The following DAP variants were observed in gnomAD, a reference collection of about 807,000 sequenced individuals.
The protein encoded by DAP is death associated protein, also known as death-associated protein 1.
DAP carries 8 observed loss-of-function variants against 13.8 expected under a neutral mutation model. The observed-to-expected ratio is 0.58, with a 90% CI of 0.34 to 1.05. DAP has a LOEUF of 1.05. Ranked by LOEUF, DAP falls within the 50% of genes least tolerant of loss-of-function variation. The pLI is 0.03. For missense variants in DAP, 106 were observed against 133.2 expected, an observed-to-expected ratio of 0.80 and a Z score of 1.01; for synonymous variants, 47 against 47.5, an observed-to-expected ratio of 0.99 and a Z score of 0.04.
At chr5:10,682,643 G>C (rs1738053322) in intron 3 of DAP, among the ~76,000 whole-genome samples, 1 of 152,250 alleles carries the variant, frequency 6.6e-6, no homozygotes, top group African/African-American at 2.4e-5. Flanking sequence ...ATAAAGGAAG[G>C]TGGAAGTCTG....
chr5:10,712,901 T>G (rs1301592937), intron 2 of DAP, among the ~76,000 whole-genome samples: 2 of 152,188 alleles, frequency 1.3e-5, no homozygotes, highest in African/African-American at 2.4e-5. Context: ...AGATATCAAA[T>G]GGATCTAGGT....
chr5:10,688,842 A>AG (rs1561007108), intron 2 of DAP, among the ~76,000 whole-genome samples: 1 of 151,712 alleles, frequency 6.6e-6, no homozygotes, highest in East Asian at 2.0e-4. Context: ...CAGCCTGGAG[A>AG]GGCCTCCATG....
At chr5:10,701,425 C>G (rs1184997081) in intron 2 of DAP, among the ~76,000 whole-genome samples, 1 of 152,102 alleles carries the variant, frequency 6.6e-6, no homozygotes, top group Admixed American at 6.5e-5. Flanking sequence ...ATTTTTAAAC[C>G]CAGCATCTTT....
intron 2 of DAP, among the ~76,000 whole-genome samples, chr5:10,685,587 T>C (rs963515261): frequency 2.0e-5 from 3 of 152,240 alleles, no homozygotes; most frequent in Admixed American, 6.5e-5. Context: ...TTTAAACATC[T>C]AGGAACAGCC....
At chr5:10,741,459 A>G (rs1454223230) in intron 2 of DAP, among the ~76,000 whole-genome samples, 1 of 152,226 alleles carries the variant, frequency 6.6e-6, no homozygotes, top group Non-Finnish European at 1.5e-5. Flanking sequence ...GGGCCAGGAG[A>G]TAAGTAATCA....
chr5:10,706,763 T>C (rs1235382011), intron 2 of DAP, among the ~76,000 whole-genome samples: 1 of 152,206 alleles, frequency 6.6e-6, no homozygotes, highest in Non-Finnish European at 1.5e-5. Context: ...TACATTAAAT[T>C]GTACCTAATG....
At chr5:10,750,177 T>G (rs1740010960) in intron 1 of DAP, among the ~76,000 whole-genome samples, 1 of 152,132 alleles carries the variant, frequency 6.6e-6, no homozygotes, top group South Asian at 2.1e-4. Context: ...CACCATGTCC[T>G]CTGGCATTTT....
At chr5:10,759,744 C>CTTTTTTTT (rs1169454640) in intron 1 of DAP, among the ~76,000 whole-genome samples, 17 of 88,230 alleles carry the variant, frequency 1.9e-4, no homozygotes, top group African/African-American at 2.3e-4. Context: ...TAATGGGAAT[C>CTTTTTTTT]TTTTTTTTTT....
chr5:10,712,462 G>C (rs1738877665), intron 2 of DAP, among the ~76,000 whole-genome samples: 1 of 152,204 alleles, frequency 6.6e-6, no homozygotes, highest in South Asian at 2.1e-4. Flanking sequence ...ACAATTCAGG[G>C]TATGGAGGGA....
intron 2 of DAP, among the ~76,000 whole-genome samples, chr5:10,708,412 G>A (rs1383360796): frequency 7.0e-6 from 1 of 143,338 alleles, no homozygotes. Context: ...ACACATACAC[G>A]CACACAGGCA....
intron 2 of DAP, among the ~76,000 whole-genome samples, chr5:10,712,507 G>C (rs1170302035): frequency 6.6e-6 from 1 of 152,144 alleles, no homozygotes; most frequent in Non-Finnish European, 1.5e-5. Context: ...GGGCAGGAGA[G>C]GTGCAGAGGA....
At chr5:10,747,357 C>T (rs1739931597) in intron 2 of DAP, among the ~76,000 whole-genome samples, 1 of 152,184 alleles carries the variant, frequency 6.6e-6, no homozygotes, top group Admixed American at 6.5e-5. Flanking sequence ...AGGTGTTGAG[C>T]AGGGGAGGAG....
At chr5:10,740,067 T>G (rs1394300669) in intron 2 of DAP, among the ~76,000 whole-genome samples, 1 of 152,196 alleles carries the variant, frequency 6.6e-6, no homozygotes, top group Non-Finnish European at 1.5e-5. Context: ...GTGATAAATA[T>G]CTGTGAAAAG....
chr5:10,716,493 T>C (rs1738993905), intron 2 of DAP, among the ~76,000 whole-genome samples: 1 of 152,180 alleles, frequency 6.6e-6, no homozygotes, highest in Admixed American at 6.5e-5. Context: ...TTTGAGTCAG[T>C]GGGCTGGAGA....
intron 2 of DAP, among the ~76,000 whole-genome samples, chr5:10,698,219 T>C (rs796768909): frequency 6.3e-5 from 8 of 127,388 alleles, no homozygotes; most frequent in African/African-American, 2.4e-4. Context: ...ATGCTAGCTC[T>C]GGGGACCCTC....
At chr5:10,742,451 C>G (rs564170164) in intron 2 of DAP, among the ~76,000 whole-genome samples, 1 of 152,106 alleles carries the variant, frequency 6.6e-6, no homozygotes, top group African/African-American at 2.4e-5. Flanking sequence ...CACTTGAAAC[C>G]GGAAGACAGA....
chr5:10,756,004 T>C (rs1197076506), intron 1 of DAP, among the ~76,000 whole-genome samples: 1 of 152,176 alleles, frequency 6.6e-6, no homozygotes, highest in Non-Finnish European at 1.5e-5. Context: ...ACAAATTAGC[T>C]GGTTGTGGTG....
At chr5:10,687,989 C>A (rs920018961) in intron 2 of DAP, among the ~76,000 whole-genome samples, 3 of 148,762 alleles carry the variant, frequency 2.0e-5, no homozygotes, top group Non-Finnish European at 3.0e-5. Flanking sequence ...GATCTCTGCT[C>A]ACTGCAACCT....
At chr5:10,738,733 G>A (rs1579815044) in intron 2 of DAP, among the ~76,000 whole-genome samples, 1 of 152,226 alleles carries the variant, frequency 6.6e-6, no homozygotes, top group African/African-American at 2.4e-5. Flanking sequence ...CAAGTCTGAA[G>A]AGTCTGTAGA....
Sources: gnomAD v4.1 joint callset for allele counts (sites outside exome capture counted in the v4.1 genomes callset) on GRCh38, gnomAD v4.1.1 for gene constraint, MANE v1.5 for transcripts, NCBI Gene and HGNC (gene_info 2026-07-23, HGNC 2026-07-21) for gene names.